CTNNA3: variants seen among roughly 807,000 people sequenced by gnomAD.
CTNNA3 encodes catenin alpha-3.
Under a neutral mutation model 95.7 loss-of-function variants are expected in CTNNA3, and 76 were observed. The observed-to-expected ratio is 0.79, with a 90% CI of 0.66 to 0.96. The LOEUF (loss-of-function observed/expected upper bound fraction) is 0.96, where lower values mean the gene tolerates loss of function less well. CTNNA3 is among the 40% of genes least tolerant of loss of function. CTNNA3 has a pLI of 0.00. For synonymous variants in CTNNA3, 431 were observed against 374.4 expected (o/e 1.15, Z -1.74); for missense variants, 1,191 against 1,089.8 (o/e 1.09, Z -1.31).
At chr10:67,158,436 C>T (rs1298463399) in intron 7 of CTNNA3, among the ~76,000 whole-genome samples, 1 of 152,094 alleles carries the variant, frequency 6.6e-6, no homozygotes, top group Non-Finnish European at 1.5e-5. Flanking sequence ...TGGCAAAAAA[C>T]TCAGATAAGA....
intron 1 of CTNNA3, among the ~76,000 whole-genome samples, chr10:67,694,639 T>C (rs1243059445): frequency 6.6e-6 from 1 of 152,078 alleles, no homozygotes; most frequent in African/African-American, 2.4e-5. Context: ...AAATTTAAAA[T>C]AACACCACTG....
intron 11 of CTNNA3, among the ~76,000 whole-genome samples, chr10:66,429,725 A>G (rs2093277727): frequency 6.6e-6 from 1 of 152,204 alleles, no homozygotes; most frequent in Non-Finnish European, 1.5e-5. Context: ...AAAACTCTCA[A>G]TAAATTACGT....
chr10:66,928,257 G>C, intron 7 of CTNNA3: 1 of 1,614,070 alleles, frequency 6.2e-7, no homozygotes, highest in South Asian at 1.1e-5. Context: ...GGTACCCTGC[G>C]AGCATGAAGC....
chr10:67,240,040 A>G (rs989201638), intron 5 of CTNNA3, among the ~76,000 whole-genome samples: 5 of 152,194 alleles, frequency 3.3e-5, no homozygotes, highest in African/African-American at 7.2e-5. Flanking sequence ...TCCTGCCCAC[A>G]TGGAATAGCT....
At chr10:67,067,511 G>T (rs1856166929) in intron 7 of CTNNA3, among the ~76,000 whole-genome samples, 1 of 152,166 alleles carries the variant, frequency 6.6e-6, no homozygotes, top group Non-Finnish European at 1.5e-5. Flanking sequence ...TTTCAGATCA[G>T]AAATATGTGC....
chr10:67,741,701 C>T (rs971877108), intron 1 of CTNNA3, among the ~76,000 whole-genome samples: 1 of 151,260 alleles, frequency 6.6e-6, no homozygotes. Flanking sequence ...AATTAAAAGA[C>T]ACAGACTGGC....
intron 9 of CTNNA3, among the ~76,000 whole-genome samples, chr10:66,762,098 C>T (rs1028047237): frequency 6.6e-6 from 1 of 152,120 alleles, no homozygotes; most frequent in Non-Finnish European, 1.5e-5. Context: ...AAGCAATAAT[C>T]CTCTCTAGAA....
At chr10:67,489,788 TTA>T (rs372899542) in intron 5 of CTNNA3, among the ~76,000 whole-genome samples, 146 of 142,312 alleles carry the variant, frequency 1.0e-3, no homozygotes, top group East Asian at 3.0e-3. Flanking sequence ...ATACATGATT[TTA>T]TATATATATA....
rs182851505 is a variant in CTNNA3, at chr10:66,640,461, G to A, written c.1282-18677C>T. The stretch of plus-strand genomic sequence containing the variant: ...CACCTGAGCTCCAGAGTCCCTAAGA[G>A]TTCAGGTAAGGTTTCAGTTGCAACC... On this transcript the variant is annotated intron_variant, in intron 9 of 17. Coordinates refer to ENST00000433211, the MANE Select transcript of CTNNA3 (RefSeq NM_013266.4). 1.7e-3 allele frequency among the ~76,000 whole-genome samples: 253 copies of A among 152,206 alleles called. 1 individual carries two copies. The highest frequency in any genetic ancestry group is 5.9e-3 in the African/African-American group (247 of 41,546).
intron 12 of CTNNA3, among the ~76,000 whole-genome samples, chr10:66,315,724 T>G (rs2092091937): frequency 6.6e-6 from 1 of 152,098 alleles, no homozygotes; most frequent in Admixed American, 6.5e-5. Flanking sequence ...AATGAGATTC[T>G]GACCTAAGGA....
At chr10:66,468,920 T>C (rs1839028194) in intron 11 of CTNNA3, among the ~76,000 whole-genome samples, 1 of 151,960 alleles carries the variant, frequency 6.6e-6, no homozygotes, top group Non-Finnish European at 1.5e-5. Context: ...TATTTTTTGA[T>C]ATATATTTTG....
At chr10:67,077,884 A>T (rs1008721156) in intron 7 of CTNNA3, among the ~76,000 whole-genome samples, 7 of 152,216 alleles carry the variant, frequency 4.6e-5, no homozygotes, top group African/African-American at 1.7e-4. Flanking sequence ...AAATCTTTTT[A>T]TCTAGATTTC....
intron 3 of CTNNA3, among the ~76,000 whole-genome samples, chr10:67,569,184 C>T (rs1447601219): frequency 6.6e-6 from 1 of 152,084 alleles, no homozygotes; most frequent in Non-Finnish European, 1.5e-5. Flanking sequence ...CCATAATGTT[C>T]TCTTGAAAAA....
intron 7 of CTNNA3, among the ~76,000 whole-genome samples, chr10:66,981,946 C>T (rs1008444453): frequency 3.9e-5 from 6 of 152,148 alleles, no homozygotes; most frequent in Admixed American, 6.5e-5. Flanking sequence ...CAAAGGCTGC[C>T]TATTTGGCTC....
At chr10:66,645,403 G>A (rs115942585) in intron 9 of CTNNA3, among the ~76,000 whole-genome samples, 65 of 152,090 alleles carry the variant, frequency 4.3e-4, no homozygotes, top group African/African-American at 1.4e-3. Context: ...GTGAGACTTC[G>A]TTCGGAACTC....
At chr10:66,390,871 A>AAAGT (rs2132528787) in intron 11 of CTNNA3, among the ~76,000 whole-genome samples, 1 of 152,262 alleles carries the variant, frequency 6.6e-6, no homozygotes, top group South Asian at 2.1e-4. Flanking sequence ...TGTAAAATGT[A>AAAGT]AAGTCCCTTC....
chr10:67,636,611 A>G (rs919313581), intron 2 of CTNNA3, among the ~76,000 whole-genome samples: 5 of 152,222 alleles, frequency 3.3e-5, no homozygotes, highest in African/African-American at 1.2e-4. Context: ...AGAACTGGCT[A>G]GCCACATGCA....
intron 12 of CTNNA3, among the ~76,000 whole-genome samples, chr10:66,287,759 T>C (rs1353472760): frequency 7.9e-5 from 12 of 152,096 alleles, no homozygotes; most frequent in Non-Finnish European, 1.5e-4. Flanking sequence ...GTTAAGTGAA[T>C]GATGGCATTA....
intron 13 of CTNNA3, among the ~76,000 whole-genome samples, chr10:66,228,283 C>A (rs1303866372): frequency 1.3e-5 from 2 of 151,806 alleles, no homozygotes; most frequent in Non-Finnish European, 2.9e-5. Flanking sequence ...TGAAATCTTT[C>A]TTTTTTGATG....
Sources: allele counts gnomAD v4.1 joint callset (sites outside exome capture counted in the v4.1 genomes callset), GRCh38; gene constraint gnomAD v4.1.1; transcripts MANE v1.5; gene names NCBI Gene and HGNC (gene_info 2026-07-23, HGNC 2026-07-21).